The following EPM2A variants were observed in gnomAD, a reference collection of about 807,000 sequenced individuals.
The protein encoded by EPM2A is laforin.
In EPM2A, 21 loss-of-function variants were observed where a neutral mutation model predicts 26.5. The observed-to-expected ratio is 0.79, with a 90% CI of 0.56 to 1.14. The LOEUF is 1.14. EPM2A is among the 50% of genes most tolerant of loss of function. EPM2A has a pLI of 0.00. For missense variants in EPM2A, 458 were observed against 440.8 expected, an observed-to-expected ratio of 1.04 and a Z score of -0.35; for synonymous variants, 217 against 177.6, an observed-to-expected ratio of 1.22 and a Z score of -1.76.
chr6:145,681,733 T>C (rs917129241), intron 2 of EPM2A, among the ~76,000 whole-genome samples: 1 of 152,132 alleles, frequency 6.6e-6, no homozygotes, highest in African/African-American at 2.4e-5. Flanking sequence ...GAGGGCTCTG[T>C]TCTGTTCCAT....
At chr6:145,598,229 GC>G (rs1245183646) in intron 2 of EPM2A, among the ~76,000 whole-genome samples, 2 of 151,950 alleles carry the variant, frequency 1.3e-5, no homozygotes, top group Admixed American at 6.6e-5. Context: ...AACCTCACCA[GC>G]ATCTGTTATT....
intron 3 of EPM2A, chr6:145,634,770 T>G (rs1776523447): frequency 6.2e-6 from 1 of 162,130 alleles, no homozygotes; most frequent in Admixed American, 5.9e-5. Context: ...CCTCAGATCT[T>G]AGCCCAAACA....
chr6:145,515,026 G>A (rs975223618), intron 2 of EPM2A, among the ~76,000 whole-genome samples: 10 of 152,278 alleles, frequency 6.6e-5, no homozygotes, highest in African/African-American at 2.2e-4. Context: ...TCTGCAGACA[G>A]GTAATTACAG....
intron 4 of EPM2A, chr6:145,491,017 T>G: frequency 1.1e-6 from 1 of 911,852 alleles, no homozygotes; most frequent in Non-Finnish European, 1.7e-6. Context: ...CCTTCAGCAA[T>G]CTCTACCTCA....
Position 145,626,088 on chromosome 6 carries a change from A to T in EPM2A, c.*1328T>A. ...TATTGTGAAGATTAAACTGGATATGATTATATATCACCTTGCACATAGAGG... is the reference window on the plus strand; with the variant it reads ...TATTGTGAAGATTAAACTGGATATGTTTATATATCACCTTGCACATAGAGG... On this transcript the variant is annotated 3_prime_UTR_variant, in exon 4 of 4. Coordinates refer to ENST00000367519, the MANE Select transcript of EPM2A (RefSeq NM_005670.4). 9.1e-7 allele frequency: 1 copy of T among 1,103,930 alleles called. No individual in the cohort carries two copies. Among genetic ancestry groups the T allele is most frequent in the Non-Finnish European group, 1.1e-6 (1 of 899,932 alleles). 68.4% of individuals were successfully genotyped at this position (1,103,930 alleles called of 1,614,324 possible). A position where few individuals can be genotyped will look rare whatever the true frequency, so the allele number is the denominator to read the frequency against.
At chr6:145,562,200 A>G (rs1417258046) in intron 2 of EPM2A, among the ~76,000 whole-genome samples, 2 of 151,540 alleles carry the variant, frequency 1.3e-5, no homozygotes, top group Admixed American at 1.3e-4. Context: ...CATATGCATT[A>G]CCTCATAGCC....
At chr6:145,599,172 G>T (rs1183783704) in intron 2 of EPM2A, among the ~76,000 whole-genome samples, 2 of 152,158 alleles carry the variant, frequency 1.3e-5, no homozygotes, top group Non-Finnish European at 2.9e-5. Context: ...GGTAGGAATA[G>T]CATTGAATCT....
chr6:145,532,147 T>C (rs1780365951), intron 2 of EPM2A, among the ~76,000 whole-genome samples: 1 of 152,222 alleles, frequency 6.6e-6, no homozygotes. Context: ...ATAAGAACAA[T>C]GACTGCCTCG....
intron 4 of EPM2A, among the ~76,000 whole-genome samples, chr6:145,470,717 T>C (rs1779462520): frequency 6.6e-6 from 1 of 152,144 alleles, no homozygotes; most frequent in South Asian, 2.1e-4. Flanking sequence ...ACTATAGATT[T>C]ATTGGAAGAT....
intron 4 of EPM2A, among the ~76,000 whole-genome samples, chr6:145,437,369 C>A (rs1473619561): frequency 6.6e-6 from 1 of 152,122 alleles, no homozygotes; most frequent in Non-Finnish European, 1.5e-5. Flanking sequence ...CATAAATTAC[C>A]CAGTCTCATG....
intron 4 of EPM2A, among the ~76,000 whole-genome samples, chr6:145,488,619 C>A (rs530809251): frequency 6.3e-4 from 96 of 151,738 alleles, no homozygotes; most frequent in African/African-American, 2.3e-3. Context: ...CAGTTTAGCA[C>A]TCTTATTTAT....
chr6:145,418,704 G>T (rs1233257875), intron 4 of EPM2A, among the ~76,000 whole-genome samples: 1 of 152,134 alleles, frequency 6.6e-6, no homozygotes, highest in Non-Finnish European at 1.5e-5. Flanking sequence ...CCGGCCAAAG[G>T]ATGGGCTCAT....
chr6:145,658,523 C>T (rs1778455485), intron 2 of EPM2A, among the ~76,000 whole-genome samples: 1 of 152,104 alleles, frequency 6.6e-6, no homozygotes, highest in South Asian at 2.1e-4. Flanking sequence ...TAAAATACAA[C>T]CAAAAGATCT....
chr6:145,627,458 G>GA lies in EPM2A; in HGVS notation c.953dup (p.Gln319ProfsTer12), dbSNP rs587776554. ...AAGAACGAACCTTCCCAAATTTCTG[G>GA]AAAAAATCTTCTTGTGCCCGGGCCA... On this transcript the variant is annotated frameshift_variant, in exon 4 of 4. Coordinates refer to ENST00000367519, the MANE Select transcript of EPM2A (RefSeq NM_005670.4). LOFTEE classifies it high-confidence loss of function. 6.2e-7 allele frequency: 1 copy of GA among 1,614,086 alleles called. No individual in the cohort carries two copies. Among genetic ancestry groups the GA allele is most frequent in the East Asian group, 2.2e-5 (1 of 44,896 alleles).
chr6:145,505,618 CA>C, intron 2 of EPM2A, among the ~76,000 whole-genome samples: 1 of 151,898 alleles, frequency 6.6e-6, no homozygotes, highest in Non-Finnish European at 1.5e-5. Context: ...CAAAACAAAA[CA>C]AAAAACCCTA....
chr6:145,618,103 T>C (rs139965594), intron 2 of EPM2A, among the ~76,000 whole-genome samples: 21 of 152,268 alleles, frequency 1.4e-4, no homozygotes, highest in African/African-American at 4.3e-4. Context: ...CATGTTATAG[T>C]ACAGCACATT....
exon 5 of EPM2A, chr6:145,383,826 A>G (rs1027016833): frequency 9.2e-5 from 14 of 152,246 alleles, no homozygotes; most frequent in Non-Finnish European, 1.9e-4. Flanking sequence ...ACATATGAAT[A>G]CATTTCCTCT....
At chr6:145,658,985 G>T (rs1400717845) in intron 2 of EPM2A, among the ~76,000 whole-genome samples, 1 of 152,124 alleles carries the variant, frequency 6.6e-6, no homozygotes, top group East Asian at 1.9e-4. Context: ...TGATATAAGA[G>T]GCGTTAGTTA....
Position 145,538,259 on chromosome 6 carries a change from C to CT in EPM2A, c.341-35685dup, listed in dbSNP as rs201319308. On this transcript the variant is annotated intron_variant, in intron 2 of 3. Coordinates refer to the EPM2A transcript ENST00000450221. The stretch of plus-strand genomic sequence containing the variant: ...ATTACTATTTCTCCACAGAAGAGGC[C>CT]TTTTTTTTTTTACATGCTTTGAGTT... Among the ~76,000 whole-genome samples, 1,207 of 145,964 alleles carry CT rather than the reference C, an allele frequency of 8.3e-3. 24 individuals are homozygous for CT. In the East Asian group the frequency reaches 0.087, roughly 11 times the overall value.
Sources: gnomAD v4.1 joint callset for allele counts (sites outside exome capture counted in the v4.1 genomes callset) on GRCh38, gnomAD v4.1.1 for gene constraint, MANE v1.5 for transcripts, NCBI Gene and HGNC (gene_info 2026-07-23, HGNC 2026-07-21) for gene names.